The following SHROOM3 variants were observed in gnomAD, a reference collection of about 807,000 sequenced individuals.
The protein encoded by SHROOM3 is protein Shroom3.
A neutral mutation model predicts 138.6 loss-of-function variants in SHROOM3; 47 were observed. The ratio of observed to expected loss-of-function variants is 0.34; its 90% CI spans 0.27 to 0.43. The LOEUF (loss-of-function observed/expected upper bound fraction) is 0.43, where lower values mean the gene tolerates loss of function less well. Ranked by LOEUF, SHROOM3 falls within the 20% of genes least tolerant of loss-of-function variation. The pLI is 1.00. For synonymous variants in SHROOM3, 1,062 were observed against 1,063.3 expected, an observed-to-expected ratio of 1.00 and a Z score of 0.02; for missense variants, 2,491 against 2,596.5, an observed-to-expected ratio of 0.96 and a Z score of 0.88.
At chr4:76,648,591 C>T (rs1735886925) in intron 2 of SHROOM3, among the ~76,000 whole-genome samples, 1 of 152,064 alleles carries the variant, frequency 6.6e-6, no homozygotes. Context: ...GTTCAGATCG[C>T]TTTGAAAGAG....
intron 2 of SHROOM3, among the ~76,000 whole-genome samples, chr4:76,698,698 A>G (rs1334973128): frequency 3.9e-5 from 6 of 152,142 alleles, no homozygotes; most frequent in Non-Finnish European, 7.4e-5. Context: ...TTGAAGATGC[A>G]TTCACCAACA....
chr4:76,530,586 T>C (rs1732809379), intron 1 of SHROOM3, among the ~76,000 whole-genome samples: 1 of 152,230 alleles, frequency 6.6e-6, no homozygotes, highest in Non-Finnish European at 1.5e-5. Flanking sequence ...TCCTCTTTTC[T>C]GAGCAGATAT....
chr4:76,687,305 T>C (rs1719370831), intron 2 of SHROOM3, among the ~76,000 whole-genome samples: 1 of 152,242 alleles, frequency 6.6e-6, no homozygotes, highest in African/African-American at 2.4e-5. Context: ...TTAATATATT[T>C]GATTTTAATA....
intron 1 of SHROOM3, among the ~76,000 whole-genome samples, chr4:76,462,371 C>CA (rs540433752): frequency 1.9e-4 from 27 of 140,478 alleles, no homozygotes; most frequent in Admixed American, 4.2e-4. Flanking sequence ...GACTCAGTCT[C>CA]AAAAAAAAAA....
intron 2 of SHROOM3, among the ~76,000 whole-genome samples, chr4:76,661,935 G>A (rs187524714): frequency 2.6e-5 from 4 of 152,242 alleles, no homozygotes; most frequent in Admixed American, 6.5e-5. Context: ...ATGTGTGTTC[G>A]ATTTTCCATA....
chr4:76,567,013 C>T (rs1465741344), intron 2 of SHROOM3, among the ~76,000 whole-genome samples: 1 of 152,236 alleles, frequency 6.6e-6, no homozygotes, highest in Non-Finnish European at 1.5e-5. Flanking sequence ...TGTAGACCAG[C>T]TGCCAGATTG....
chr4:76,630,194 C>T (rs1185043174), intron 2 of SHROOM3, among the ~76,000 whole-genome samples: 1 of 152,198 alleles, frequency 6.6e-6, no homozygotes, highest in Non-Finnish European at 1.5e-5. Flanking sequence ...CTAAAATCCT[C>T]TCATTTTACA....
chr4:76,553,762 G>A (rs1733418824), intron 1 of SHROOM3, among the ~76,000 whole-genome samples: 1 of 152,192 alleles, frequency 6.6e-6, no homozygotes, highest in African/African-American at 2.4e-5. Context: ...CTCCCAAAGT[G>A]CTGGGATTAC....
rs182356589 is a variant in SHROOM3, at chr4:76,683,225, T to A, written c.324-26931T>A. ...ATCATCTATTATGTGTTTTATTTTT[T>A]AAAAAAATTTTATTTGATGTTGTAA... On this transcript the variant is annotated intron_variant, in intron 2 of 10. Coordinates refer to ENST00000296043, the MANE Select transcript of SHROOM3 (RefSeq NM_020859.4). Among the ~76,000 whole-genome samples, 231 of 152,276 alleles carry A rather than the reference T, an allele frequency of 1.5e-3. 1 individual carries two copies. Among genetic ancestry groups the A allele is most frequent in the African/African-American group, 5.0e-3 (207 of 41,552 alleles).
intron 2 of SHROOM3, among the ~76,000 whole-genome samples, chr4:76,659,337 C>T (rs1736134354): frequency 6.6e-6 from 1 of 152,236 alleles, no homozygotes; most frequent in African/African-American, 2.4e-5. Flanking sequence ...TGCCAAGAGG[C>T]CAGGCCCCAT....
At chr4:76,705,307 A>AAAC (rs147261587) in intron 2 of SHROOM3, among the ~76,000 whole-genome samples, 2,465 of 150,982 alleles carry the variant, frequency 0.016, 22 homozygotes, top group Middle Eastern at 0.078. Context: ...CCGTCTCTAC[A>AAAC]AACAACAACA....
At chr4:76,777,852 A>G (rs1469680705) in intron 10 of SHROOM3, among the ~76,000 whole-genome samples, 1 of 152,238 alleles carries the variant, frequency 6.6e-6, no homozygotes, top group Non-Finnish European at 1.5e-5. Context: ...AATATCATAG[A>G]AAAGCATAAG....
Position 76,435,982 on chromosome 4 carries a change from C to T in SHROOM3, c.-71C>T. On this transcript the variant is annotated 5_prime_UTR_variant, in exon 1 of 11. Coordinates refer to ENST00000296043, the MANE Select transcript of SHROOM3 (RefSeq NM_020859.4). The stretch of plus-strand genomic sequence containing the variant: ...GTCCTGAAGGATGGGACAACTTGTG[C>T]TGTAGAAGCACTGCTTGCCTGAGTT... 10 of 1,543,136 alleles carry T rather than the reference C, an allele frequency of 6.5e-6. No homozygotes were observed. Among genetic ancestry groups the T allele is most frequent in the Admixed American group, 1.7e-5 (1 of 58,152 alleles).
intron 2 of SHROOM3, chr4:76,644,230 G>A (rs1735757062): frequency 6.7e-6 from 1 of 150,064 alleles, no homozygotes; most frequent in South Asian, 2.1e-4. Flanking sequence ...TGATCATACT[G>A]TTTTGTAACA....
intron 2 of SHROOM3, among the ~76,000 whole-genome samples, chr4:76,647,602 A>G (rs533845734): frequency 6.6e-6 from 1 of 152,204 alleles, no homozygotes; most frequent in Non-Finnish European, 1.5e-5. Flanking sequence ...TCTTCAAACA[A>G]TAATACAGGA....
intron 2 of SHROOM3, among the ~76,000 whole-genome samples, chr4:76,705,809 T>C (rs1720031859): frequency 6.6e-6 from 1 of 152,202 alleles, no homozygotes. Context: ...CTCCAAGAAA[T>C]GTCTTGTTAG....
chr4:76,487,191 G>C (rs997676530), intron 1 of SHROOM3, among the ~76,000 whole-genome samples: 1 of 152,166 alleles, frequency 6.6e-6, no homozygotes, highest in Admixed American at 6.5e-5. Context: ...ACCATATACT[G>C]TGTGGCTTTT....
intron 1 of SHROOM3, 61 bp from the exon 2 acceptor site, chr4:76,555,548 G>A (rs1029409311): frequency 2.4e-5 from 39 of 1,608,274 alleles, no homozygotes; most frequent in African/African-American, 2.0e-4. Flanking sequence ...CGGGATAGCC[G>A]GACAGACCCC....
At chr4:76,570,955 TCA>T (rs1381344943) in intron 2 of SHROOM3, among the ~76,000 whole-genome samples, 1 of 152,208 alleles carries the variant, frequency 6.6e-6, no homozygotes, top group African/African-American at 2.4e-5. Context: ...TACTGAGCAT[TCA>T]CAGTCATAGG....
Sources: gnomAD v4.1 joint callset for allele counts (sites outside exome capture counted in the v4.1 genomes callset) on GRCh38, gnomAD v4.1.1 for gene constraint, MANE v1.5 for transcripts, NCBI Gene and HGNC (gene_info 2026-07-23, HGNC 2026-07-21) for gene names.